Variants in PTPRO observed in about 807,000 individuals in gnomAD.
The protein encoded by PTPRO is receptor-type tyrosine-protein phosphatase O.
Under a neutral mutation model 145.2 loss-of-function variants are expected in PTPRO, and 62 were observed. The observed-to-expected ratio is 0.43, with a 90% confidence interval of 0.35 to 0.53. The LOEUF (loss-of-function observed/expected upper bound fraction) is 0.53. Ranked by LOEUF, PTPRO falls within the 20% of genes least tolerant of loss-of-function variation. The probability of loss-of-function intolerance (pLI) is 0.01; values close to 1 mark genes in which losing one functional copy is unlikely to be tolerated. For synonymous variants in PTPRO, 565 were observed against 514.7 expected (o/e 1.10, Z -1.32); for missense variants, 1,345 against 1,482.7 (o/e 0.91, Z 1.53).
Position 15,581,669 on chromosome 12 carries a change from C to G in PTPRO, c.3133-10C>G. The G allele has an allele frequency of 6.2e-7, 1 of 1,613,648 alleles. No individual in the cohort carries two copies. Among genetic ancestry groups the G allele is most frequent in the Non-Finnish European group, 8.5e-7 (1 of 1,179,696 alleles). Reference sequence around the variant, plus strand: ...GTTTGTTTTAAAAAATTGTTTTGTCCTTGCTCCAGGTGAAATGTGACCATT... The same window carrying G: ...GTTTGTTTTAAAAAATTGTTTTGTCGTTGCTCCAGGTGAAATGTGACCATT... On this transcript the variant is annotated splice_polypyrimidine_tract_variant and intron_variant, in intron 22 of 26. Transcript: ENST00000281171.
intron 1 of PTPRO, among the ~76,000 whole-genome samples, chr12:15,412,837 AG>A (rs1434911472): frequency 6.6e-6 from 1 of 152,204 alleles, no homozygotes; most frequent in Non-Finnish European, 1.5e-5. Flanking sequence ...TCTGTCTCCA[AG>A]GCTGGAGTGC....
chr12:15,355,513 T>A (rs1937957850), intron 1 of PTPRO, among the ~76,000 whole-genome samples: 3 of 142,812 alleles, frequency 2.1e-5, no homozygotes, highest in Admixed American at 6.9e-5. Context: ...AGGCCTTTCC[T>A]GAAAAGCAGT....
In PTPRO at chr12:15,472,509, C is replaced by T. The variant is rs116456300; in HGVS notation, c.76-11465C>T. On this transcript the variant is annotated intron_variant, in intron 1 of 26. Transcript: ENST00000281171. ...TAAACACTCTAGAGGTCTCTGGATG[C>T]TCTTCCCGCTTAACAAGTGCCTTTT... Among the ~76,000 whole-genome samples, 1,391 of 152,264 alleles carry T rather than the reference C, an allele frequency of 9.1e-3. 17 individuals carry two copies. The highest frequency in any genetic ancestry group is 0.032 in the African/African-American group (1,332 of 41,532).
At chr12:15,557,918 T>G (rs907441067) in intron 16 of PTPRO, among the ~76,000 whole-genome samples, 3 of 151,964 alleles carry the variant, frequency 2.0e-5, no homozygotes, top group Non-Finnish European at 4.4e-5. Context: ...TATATTTTAT[T>G]TTATTTTATT....
intron 12 of PTPRO, among the ~76,000 whole-genome samples, chr12:15,529,522 G>T (rs1213832973): frequency 6.6e-6 from 1 of 151,658 alleles, no homozygotes; most frequent in Non-Finnish European, 1.5e-5. Flanking sequence ...ACATGCCTGT[G>T]GTCCCAGCTA....
At chr12:15,535,649 G>C (rs755759151) in intron 12 of PTPRO, among the ~76,000 whole-genome samples, 1 of 152,232 alleles carries the variant, frequency 6.6e-6, no homozygotes, top group Non-Finnish European at 1.5e-5. Flanking sequence ...TCCAGAAACA[G>C]TCATTTCGTA....
At chr12:15,595,535 G>T (rs1472612432) in intron 26 of PTPRO, 1 of 168,094 alleles carries the variant, frequency 5.9e-6, no homozygotes, top group Non-Finnish European at 1.3e-5. Flanking sequence ...AAATACCTTG[G>T]TCTCCCCCAT....
At chr12:15,513,157 A>AAAAGAAAG (rs1162807747) in intron 7 of PTPRO, among the ~76,000 whole-genome samples, 112 of 30,762 alleles carry the variant, frequency 3.6e-3, no homozygotes, top group Non-Finnish European at 3.8e-3. Context: ...GAAAGAAAGA[A>AAAAGAAAG]AAAGAAAGAA....
At chr12:15,337,207 G>T (rs1236320959) in intron 1 of PTPRO, among the ~76,000 whole-genome samples, 1 of 152,112 alleles carries the variant, frequency 6.6e-6, no homozygotes, top group African/African-American at 2.4e-5. Flanking sequence ...ATCATTCATT[G>T]CAGGAAGATG....
intron 1 of PTPRO, among the ~76,000 whole-genome samples, chr12:15,461,831 G>T (rs1941310577): frequency 6.6e-6 from 1 of 152,098 alleles, no homozygotes; most frequent in Admixed American, 6.5e-5. Flanking sequence ...CTCCCAAAGT[G>T]CTGGGTTTAC....
At chr12:15,581,302 T>TC (rs1232505573) in intron 22 of PTPRO, among the ~76,000 whole-genome samples, 2 of 146,738 alleles carry the variant, frequency 1.4e-5, no homozygotes, top group Admixed American at 6.8e-5. Context: ...TGCTTTCTTT[T>TC]TTTTTTTTTT....
At chr12:15,459,827 T>C (rs944305926) in intron 1 of PTPRO, among the ~76,000 whole-genome samples, 1 of 152,198 alleles carries the variant, frequency 6.6e-6, no homozygotes, top group African/African-American at 2.4e-5. Context: ...TAAGATTTAG[T>C]AAAAATGTAG....
chr12:15,365,769 T>C (rs1439793107), intron 1 of PTPRO, among the ~76,000 whole-genome samples: 1 of 152,162 alleles, frequency 6.6e-6, no homozygotes, highest in Non-Finnish European at 1.5e-5. Flanking sequence ...ATGCTTGTGA[T>C]AAAAGAAAGG....
At chr12:15,522,247 CTTT>C (rs10712852) in intron 10 of PTPRO, among the ~76,000 whole-genome samples, 1 of 143,614 alleles carries the variant, frequency 7.0e-6, no homozygotes. Context: ...TTTTAACCTT[CTTT>C]TTTTTTTTTT....
intron 12 of PTPRO, among the ~76,000 whole-genome samples, chr12:15,540,010 A>AG (rs1019701580): frequency 6.6e-6 from 1 of 152,032 alleles, no homozygotes; most frequent in Admixed American, 6.6e-5. Context: ...CAACAAGACA[A>AG]GGTCTAATAA....
chr12:15,522,979 A>G (rs529790133), intron 10 of PTPRO, among the ~76,000 whole-genome samples: 1 of 152,348 alleles, frequency 6.6e-6, no homozygotes, highest in East Asian at 1.9e-4. Context: ...GTTGGAATAT[A>G]TTAGGAGGCT....
chr12:15,519,993 A>G (rs939245103), intron 9 of PTPRO, among the ~76,000 whole-genome samples: 6 of 152,200 alleles, frequency 3.9e-5, no homozygotes, highest in African/African-American at 1.4e-4. Flanking sequence ...TCTTTAAATC[A>G]CTTTTAAAAA....
intron 1 of PTPRO, among the ~76,000 whole-genome samples, chr12:15,358,338 C>G (rs1360788082): frequency 1.3e-5 from 2 of 151,536 alleles, no homozygotes; most frequent in Non-Finnish European, 2.9e-5. Flanking sequence ...ACATATGTAA[C>G]TAACCTGCAC....
At chr12:15,385,507 G>C (rs1318494517) in intron 1 of PTPRO, among the ~76,000 whole-genome samples, 1 of 152,052 alleles carries the variant, frequency 6.6e-6, no homozygotes, top group Non-Finnish European at 1.5e-5. Flanking sequence ...GACCTGCAGT[G>C]ATAAAGAGTA....
Sources: gnomAD v4.1 joint callset for allele counts (sites outside exome capture counted in the v4.1 genomes callset) on GRCh38, gnomAD v4.1.1 for gene constraint, MANE v1.5 for transcripts, NCBI Gene and HGNC (gene_info 2026-07-23, HGNC 2026-07-21) for gene names.